The following NUBPL variants were observed in gnomAD, a reference collection of about 807,000 sequenced individuals.
NUBPL encodes iron-sulfur cluster transfer protein NUBPL.
NUBPL carries 31 observed loss-of-function variants against 45.7 expected under a neutral mutation model. That is an observed-to-expected ratio of 0.68 (90% CI 0.51 to 0.92). The LOEUF (loss-of-function observed/expected upper bound fraction) is 0.92. Ranked by LOEUF, NUBPL falls within the 40% of genes least tolerant of loss-of-function variation. The pLI, the probability that NUBPL is intolerant of heterozygous loss-of-function variation, is 0.00. For missense variants in NUBPL, 401 were observed against 398.7 expected (o/e 1.01, Z -0.05); for synonymous variants, 144 against 140.9 (o/e 1.02, Z -0.15).
At chr14:31,672,273 A>ATGTGTGTG (rs3035682) in intron 4 of NUBPL, among the ~76,000 whole-genome samples, 2,532 of 148,180 alleles carry the variant, frequency 0.017, 32 homozygotes, top group African/African-American at 0.026. Context: ...CTGATTAGAT[A>ATGTGTGTG]TGTGTGTGTG....
chr14:31,673,288 A>T, intron 4 of NUBPL, 67 bp from the exon 5 acceptor site: 5 of 1,383,178 alleles, frequency 3.6e-6, no homozygotes, highest in Non-Finnish European at 4.0e-6. Flanking sequence ...TGAAAAAAAA[A>T]CCCAATTCAG....
intron 6 of NUBPL, among the ~76,000 whole-genome samples, chr14:31,709,275 C>T (rs1394915888): frequency 2.6e-5 from 4 of 152,286 alleles, no homozygotes; most frequent in African/African-American, 4.8e-5. Context: ...CATAGCCGCT[C>T]GAGGGAGGCA....
chr14:31,701,019 G>T (rs1252936556), intron 6 of NUBPL, among the ~76,000 whole-genome samples: 1 of 152,348 alleles, frequency 6.6e-6, no homozygotes, highest in South Asian at 2.1e-4. Flanking sequence ...CTCCTGAGCC[G>T]GCTGGGGACT....
chr14:31,859,487 G>C lies in NUBPL; in HGVS notation c.*307G>C, dbSNP rs1356793672. 5.1e-6 allele frequency: 2 copies of C among 394,828 alleles called. No individual in the cohort carries two copies. Among genetic ancestry groups the C allele is most frequent in the Admixed American group, 3.8e-5 (1 of 26,622 alleles). 24.5% of individuals were successfully genotyped at this position (394,828 alleles called of 1,614,324 possible). ...GATGTTACAAGTCCATTTTGGGAGA[G>C]AACTGTACACTTTTTGCAGGACCAC... is the stretch of plus-strand genomic sequence containing the variant. On this transcript the variant is annotated 3_prime_UTR_variant, in exon 11 of 11. Coordinates refer to ENST00000281081, the MANE Select transcript of NUBPL (RefSeq NM_025152.3).
intron 6 of NUBPL, among the ~76,000 whole-genome samples, chr14:31,701,659 C>G (rs1043648513): frequency 5.9e-5 from 9 of 152,246 alleles, no homozygotes; most frequent in African/African-American, 1.9e-4. Context: ...AGGTGTGCCA[C>G]CTTTAAGAGC....
At position 31,738,116 on chromosome 14, in the gene NUBPL, T is replaced by C. The variant is rs532306505; in HGVS notation, c.514-49664T>C. Among the ~76,000 whole-genome samples the C allele has an allele frequency of 3.9e-5, 6 of 152,364 alleles. No individual in the cohort carries two copies. The East Asian group carries it at 1.2e-3, about 29-fold the overall frequency. On this transcript the variant is annotated intron_variant, in intron 6 of 10. Coordinates refer to ENST00000281081, the MANE Select transcript of NUBPL (RefSeq NM_025152.3). ...TTTTAAAATAGTGGTTGTCACTGCT[T>C]ATATTATAACTCAACATATTCTGCA...
At chr14:31,658,334 T>G (rs2036190018) in intron 4 of NUBPL, among the ~76,000 whole-genome samples, 1 of 152,158 alleles carries the variant, frequency 6.6e-6, no homozygotes, top group African/African-American at 2.4e-5. Flanking sequence ...TTGGGCAGGT[T>G]AGTTTAATAT....
intron 6 of NUBPL, among the ~76,000 whole-genome samples, chr14:31,673,851 T>C (rs143838653): frequency 2.0e-4 from 31 of 152,310 alleles, no homozygotes; most frequent in African/African-American, 7.5e-4. Context: ...GAAGACCAAA[T>C]CAATTTTTAT....
At chr14:31,685,002 A>G (rs1045572480) in intron 6 of NUBPL, among the ~76,000 whole-genome samples, 3 of 151,414 alleles carry the variant, frequency 2.0e-5, no homozygotes, top group Non-Finnish European at 2.9e-5. Flanking sequence ...GGAAAAAACT[A>G]AGGATACTAA....
At chr14:31,775,470 C>T (rs1401030507) in intron 6 of NUBPL, among the ~76,000 whole-genome samples, 1 of 152,040 alleles carries the variant, frequency 6.6e-6, no homozygotes, top group Non-Finnish European at 1.5e-5. Flanking sequence ...TGCCATATCT[C>T]ACATTAGAGG....
chr14:31,810,638 G>A lies in NUBPL; in HGVS notation c.608-15991G>A, dbSNP rs142348299. ...TTACATTTAAGGTTAACATTGTGAT[G>A]TGTGAATTTGATCCTGTCATTATGA... is the stretch of plus-strand genomic sequence containing the variant. On this transcript the variant is annotated intron_variant, in intron 7 of 10. Coordinates refer to ENST00000281081, the MANE Select transcript of NUBPL (RefSeq NM_025152.3). Among the ~76,000 whole-genome samples, 22 of 152,290 alleles carry A rather than the reference G, an allele frequency of 1.4e-4. No individual in the cohort carries two copies. In the East Asian group the frequency reaches 4.1e-3, roughly 28 times the overall value.
At chr14:31,772,189 T>G (rs928940865) in intron 6 of NUBPL, among the ~76,000 whole-genome samples, 7 of 152,242 alleles carry the variant, frequency 4.6e-5, no homozygotes, top group African/African-American at 1.7e-4. Flanking sequence ...CATCTAAATA[T>G]ATTTTATAAG....
At chr14:31,655,628 A>G (rs1021196241) in intron 4 of NUBPL, among the ~76,000 whole-genome samples, 3 of 152,164 alleles carry the variant, frequency 2.0e-5, no homozygotes, top group Non-Finnish European at 4.4e-5. Context: ...CAGGAGGATC[A>G]CTTGAACCCA....
At chr14:31,739,134 C>T (rs1159648004) in intron 6 of NUBPL, among the ~76,000 whole-genome samples, 1 of 148,806 alleles carries the variant, frequency 6.7e-6, no homozygotes, top group Admixed American at 6.7e-5. Context: ...CTGCCTCAGC[C>T]TCCCGAGTAG....
chr14:31,709,591 C>G (rs2037525985), intron 6 of NUBPL, among the ~76,000 whole-genome samples: 1 of 152,220 alleles, frequency 6.6e-6, no homozygotes, highest in Non-Finnish European at 1.5e-5. Context: ...TTTGATCTAA[C>G]AATAGCATGA....
chr14:31,745,496 G>A lies in NUBPL; in HGVS notation c.514-42284G>A, dbSNP rs150225564. 6.4e-3 allele frequency among the ~76,000 whole-genome samples: 974 copies of A among 152,088 alleles called. 11 individuals carry two copies. Among genetic ancestry groups the A allele is most frequent in the African/African-American group, 0.022 (905 of 41,458 alleles). On this transcript the variant is annotated intron_variant, in intron 6 of 10. Coordinates refer to ENST00000281081, the MANE Select transcript of NUBPL (RefSeq NM_025152.3). Reference sequence around the variant, plus strand: ...TTTTTAGTAGAGATGGGGTTTCACCGTGCTAGCCAGGATGGTCTTGATCTC... The same window carrying A: ...TTTTTAGTAGAGATGGGGTTTCACCATGCTAGCCAGGATGGTCTTGATCTC...
At chr14:31,661,583 C>T (rs2036271022) in intron 4 of NUBPL, among the ~76,000 whole-genome samples, 1 of 152,146 alleles carries the variant, frequency 6.6e-6, no homozygotes, top group African/African-American at 2.4e-5. Flanking sequence ...GCACTGTCAC[C>T]CAGGCTGGAG....
intron 4 of NUBPL, among the ~76,000 whole-genome samples, chr14:31,629,356 G>A (rs780449221): frequency 2.0e-5 from 3 of 152,042 alleles, no homozygotes; most frequent in Non-Finnish European, 4.4e-5. Context: ...TATTAGGCAC[G>A]GCACATTGTA....
At chr14:31,585,360 A>T (rs4981858) in intron 3 of NUBPL, among the ~76,000 whole-genome samples, 45,680 of 152,138 alleles carry the variant, frequency 0.3, 7,622 homozygotes, top group South Asian at 0.4. Context: ...CAAACTTGTT[A>T]TAGTGTATTT....
Sources: gnomAD v4.1 joint callset for allele counts (sites outside exome capture counted in the v4.1 genomes callset) on GRCh38, gnomAD v4.1.1 for gene constraint, MANE v1.5 for transcripts, NCBI Gene and HGNC (gene_info 2026-07-23, HGNC 2026-07-21) for gene names.